Variants in TBC1D22A observed in about 807,000 individuals in gnomAD.
The protein encoded by TBC1D22A is putative GTPase activator.
A neutral mutation model predicts 60.2 loss-of-function variants in TBC1D22A; 38 were observed. That is an observed-to-expected ratio of 0.63 (90% confidence interval 0.49 to 0.83). The LOEUF is 0.83. Among genes scored for constraint, TBC1D22A ranks in the 40% least tolerant of loss-of-function variants. The probability of loss-of-function intolerance (pLI) is 0.00; values close to 1 mark genes in which losing one functional copy is unlikely to be tolerated. For synonymous variants in TBC1D22A, 302 were observed against 281.7 expected, an observed-to-expected ratio of 1.07 and a Z score of -0.72; for missense variants, 628 against 701.0, an observed-to-expected ratio of 0.90 and a Z score of 1.18.
At chr22:47,015,193 T>A (rs2061867441) in intron 10 of TBC1D22A, among the ~76,000 whole-genome samples, 1 of 152,230 alleles carries the variant, frequency 6.6e-6, no homozygotes, top group Non-Finnish European at 1.5e-5. Flanking sequence ...GACATGGTGC[T>A]GAAGGTGGCC....
At chr22:46,972,494 A>G (rs1314027267) in intron 8 of TBC1D22A, among the ~76,000 whole-genome samples, 1 of 152,204 alleles carries the variant, frequency 6.6e-6, no homozygotes, top group East Asian at 1.9e-4. Context: ...GGGCTGCCGC[A>G]TGGATGACTC....
At chr22:47,057,463 T>A (rs1786041869) in intron 11 of TBC1D22A, among the ~76,000 whole-genome samples, 1 of 152,196 alleles carries the variant, frequency 6.6e-6, no homozygotes, top group African/African-American at 2.4e-5. Context: ...CGTGGGCACA[T>A]CCCTCACTTC....
intron 4 of TBC1D22A, among the ~76,000 whole-genome samples, chr22:46,852,708 A>G (rs5767374): frequency 0.5 from 76,182 of 151,754 alleles, 19,543 homozygotes; most frequent in African/African-American, 0.6. Context: ...TGCTGAATCT[A>G]TTGACTCCTG....
intron 1 of TBC1D22A, among the ~76,000 whole-genome samples, chr22:46,773,336 G>A (rs1355758736): frequency 6.6e-6 from 1 of 152,218 alleles, no homozygotes; most frequent in East Asian, 1.9e-4. Flanking sequence ...GAGTCGGGGA[G>A]CGTGTCTGTG....
chr22:47,146,823 C>T (rs935434730), intron 12 of TBC1D22A, among the ~76,000 whole-genome samples: 3 of 152,208 alleles, frequency 2.0e-5, no homozygotes, highest in African/African-American at 4.8e-5. Context: ...CCTCCTCTGT[C>T]GTCTAGCTGC....
rs2068637093 is a variant in TBC1D22A, at chr22:47,175,080, AC to A, written c.*1455del. On this transcript the variant is annotated 3_prime_UTR_variant, in exon 13 of 13. Transcript: ENST00000337137. ...CGTGTCCTCTCCCAGGCCCTAGGAC[AC>A]TGCCAGAGACTGTGGGACATACAGG... The A allele has an allele frequency of 6.6e-6, 1 of 152,270 alleles. No homozygotes were observed. The highest frequency in any genetic ancestry group is 6.5e-5 in the Admixed American group (1 of 15,288). 9.4% of individuals were successfully genotyped at this position (152,270 alleles called of 1,614,324 possible).
chr22:46,853,711 T>C (rs555102302), intron 4 of TBC1D22A, among the ~76,000 whole-genome samples: 2 of 152,330 alleles, frequency 1.3e-5, no homozygotes, highest in East Asian at 3.9e-4. Context: ...TTCAGTTTTA[T>C]AGATGAAGAA....
chr22:47,140,201 G>A (rs1032742276), intron 12 of TBC1D22A, among the ~76,000 whole-genome samples: 6 of 151,932 alleles, frequency 3.9e-5, no homozygotes, highest in Non-Finnish European at 5.9e-5. Context: ...CTCTGAATGC[G>A]CGTGCTGAGT....
intron 12 of TBC1D22A, among the ~76,000 whole-genome samples, chr22:47,162,005 C>G (rs976160001): frequency 6.6e-6 from 1 of 152,242 alleles, no homozygotes; most frequent in Non-Finnish European, 1.5e-5. Flanking sequence ...GGACACCTCT[C>G]CTGTTCCTGT....
chr22:46,771,760 A>G (rs1601797506), intron 1 of TBC1D22A, among the ~76,000 whole-genome samples: 2 of 151,732 alleles, frequency 1.3e-5, no homozygotes, highest in Non-Finnish European at 2.9e-5. Context: ...ATGCCCGCCT[A>G]ATTTTTGTAT....
At chr22:46,765,197 A>G (rs73888663) in intron 1 of TBC1D22A, among the ~76,000 whole-genome samples, 3,390 of 152,312 alleles carry the variant, frequency 0.022, 117 homozygotes, top group African/African-American at 0.077. Flanking sequence ...AGGCCTGTGA[A>G]GCCTCTGTGT....
chr22:46,774,180 G>A, intron 1 of TBC1D22A: 1 of 985,586 alleles, frequency 1.0e-6, no homozygotes, highest in Non-Finnish European at 1.2e-6. Context: ...GGCTCCTCCA[G>A]GCTGGGGGAA....
chr22:47,171,669 T>C (rs1044557580), intron 12 of TBC1D22A, among the ~76,000 whole-genome samples: 2 of 152,200 alleles, frequency 1.3e-5, no homozygotes, highest in Non-Finnish European at 2.9e-5. Context: ...CCCGGAGACC[T>C]GCCCTGCCCT....
In TBC1D22A at chr22:46,792,642, T is replaced by TCTTCCTGCTTC. The variant is rs562200605; in HGVS notation, c.119+76_119+86dup. On this transcript the variant is annotated intron_variant, in intron 2 of 12. Coordinates refer to ENST00000337137, the MANE Select transcript of TBC1D22A (RefSeq NM_014346.5). ...TATGGGAGGGCTGTGGCAACCCCGG[T>TCTTCCTGCTTC]CTTCCTGCTTCCTTCCTGCTCCCAG... 534 of 1,613,610 alleles carry TCTTCCTGCTTC rather than the reference T, an allele frequency of 3.3e-4. 2 individuals are homozygous for TCTTCCTGCTTC. In the African/African-American group the frequency reaches 6.0e-3, roughly 18 times the overall value.
At chr22:47,112,591 G>T (rs1273794566) in intron 12 of TBC1D22A, among the ~76,000 whole-genome samples, 2 of 152,332 alleles carry the variant, frequency 1.3e-5, no homozygotes, top group African/African-American at 4.8e-5. Flanking sequence ...CTCGGCCCCA[G>T]GAGAGACCAG....
chr22:46,804,568 A>G (rs1434416408), intron 4 of TBC1D22A, among the ~76,000 whole-genome samples: 2 of 152,166 alleles, frequency 1.3e-5, no homozygotes, highest in Admixed American at 1.3e-4. Flanking sequence ...CTGGCTCCCC[A>G]CTTTCACAGC....
At chr22:46,891,163 G>A (rs978800438) in intron 5 of TBC1D22A, 103 bp from the exon 6 acceptor site, 75 of 1,292,140 alleles carry the variant, frequency 5.8e-5, no homozygotes, top group Non-Finnish European at 7.3e-5. Flanking sequence ...ATTTCAGAAT[G>A]CCAAGCTTAG....
chr22:47,164,539 C>A (rs147854092), intron 12 of TBC1D22A, among the ~76,000 whole-genome samples: 1,550 of 152,310 alleles, frequency 0.01, 23 homozygotes, highest in African/African-American at 0.035. Flanking sequence ...TCTCCCCTGC[C>A]CTTGCTGAGG....
chr22:46,874,794 G>T lies in TBC1D22A; in HGVS notation c.638-3859G>T, dbSNP rs145495923. On this transcript the variant is annotated intron_variant, in intron 4 of 12. Transcript: ENST00000337137. ...TCACCATGTTGCCCAGGCTGGTCTC[G>T]AATTCCTCACCTCAAATGATCTGCC... Among the ~76,000 whole-genome samples the T allele has an allele frequency of 3.9e-3, 593 of 151,942 alleles. 10 individuals are homozygous for T. The highest frequency in any genetic ancestry group is 0.034 in the Admixed American group (521 of 15,274).
Sources: gnomAD v4.1 joint callset for allele counts (sites outside exome capture counted in the v4.1 genomes callset) on GRCh38, gnomAD v4.1.1 for gene constraint, MANE v1.5 for transcripts, NCBI Gene and HGNC (gene_info 2026-07-23, HGNC 2026-07-21) for gene names.